The following MRC2 variants were observed in gnomAD, a reference collection of about 807,000 sequenced individuals.
MRC2 encodes the protein mannose receptor C-type 2.
MRC2 carries 84 observed loss-of-function variants against 206.2 expected under a neutral mutation model. The observed-to-expected ratio is 0.41, with a 90% CI of 0.34 to 0.49. The LOEUF (loss-of-function observed/expected upper bound fraction) is 0.49. Among genes scored for constraint, MRC2 ranks in the 20% least tolerant of loss-of-function variants. MRC2 has a pLI of 0.31. For missense variants in MRC2, 1,676 were observed against 2,001.5 expected (o/e 0.84, Z 3.10); for synonymous variants, 798 against 800.0 (o/e 1.00, Z 0.04).
intron 1 of MRC2, among the ~76,000 whole-genome samples, chr17:62,634,812 T>C (rs2429399): frequency 0.67 from 101,800 of 151,500 alleles, 34,371 homozygotes; most frequent in East Asian, 0.81. Flanking sequence ...TGCTCTGGTT[T>C]GAACACCTCT....
intron 1 of MRC2, among the ~76,000 whole-genome samples, chr17:62,643,076 C>T (rs1324089242): frequency 6.6e-6 from 1 of 152,002 alleles, no homozygotes; most frequent in Non-Finnish European, 1.5e-5. Context: ...GCCTGTAATC[C>T]CAGCACTTTG....
In MRC2 at chr17:62,669,085, A is replaced by AACACAC. The variant is rs72222842; in HGVS notation, c.1117+1588_1117+1593dup. Among the ~76,000 whole-genome samples the AACACAC allele has an allele frequency of 6.3e-3, 895 of 143,144 alleles. 7 individuals are homozygous for AACACAC. Among genetic ancestry groups the AACACAC allele is most frequent in the African/African-American group, 0.013 (488 of 38,410 alleles). 93.9% of individuals were successfully genotyped at this position (143,144 alleles called of 152,430 possible). On this transcript the variant is annotated intron_variant, in intron 6 of 29. Coordinates refer to ENST00000303375, the MANE Select transcript of MRC2 (RefSeq NM_006039.5). ...GAGACTTTTACAAAGAAAATATGGC[A>AACACAC]ACACACACACACACACACACACACA...
intron 1 of MRC2, among the ~76,000 whole-genome samples, chr17:62,663,085 G>A (rs931500723): frequency 2.0e-5 from 3 of 152,174 alleles, no homozygotes; most frequent in Non-Finnish European, 2.9e-5. Flanking sequence ...GGGAACAAGA[G>A]GAAGGTGATG....
intron 28 of MRC2, among the ~76,000 whole-genome samples, 194 bp downstream of exon 28, chr17:62,691,322 A>C (rs1411641064): frequency 6.6e-6 from 1 of 152,180 alleles, no homozygotes; most frequent in Admixed American, 6.5e-5. Flanking sequence ...TTATCATCCA[A>C]ACTAGACCAC....
chr17:62,686,937 G>A (rs2089039285), intron 20 of MRC2, among the ~76,000 whole-genome samples: 1 of 152,230 alleles, frequency 6.6e-6, no homozygotes, highest in Non-Finnish European at 1.5e-5. Flanking sequence ...TAAGGATGGT[G>A]CTGGAGCTAA....
rs912603121 is a variant in MRC2, at chr17:62,649,527, G to C, written c.119-15021G>C. ...AATCCCTTGAACCCAGGAGGTGAAGGCTGCAGTGAGCCAAGATTTCATCAC... is the reference window on the plus strand; with the variant it reads ...AATCCCTTGAACCCAGGAGGTGAAGCCTGCAGTGAGCCAAGATTTCATCAC... On this transcript the variant is annotated intron_variant, in intron 1 of 29. Coordinates refer to ENST00000303375, the MANE Select transcript of MRC2 (RefSeq NM_006039.5). Among the ~76,000 whole-genome samples the C allele has an allele frequency of 3.3e-5, 5 of 152,274 alleles. No homozygotes were observed. The East Asian group carries it at 5.8e-4, about 18-fold the overall frequency.
rs1490303227 is a variant in MRC2 at position 62,675,619 on chromosome 17, G to C, written c.1570-171G>C. Reference sequence around the variant, plus strand: ...CACAGCTGTGGGTGATGGTGGAGGGGGAATGTGGAGAAACGAGGTGCAGAA... The same window carrying C: ...CACAGCTGTGGGTGATGGTGGAGGGCGAATGTGGAGAAACGAGGTGCAGAA... On this transcript the variant is annotated intron_variant, in intron 9 of 29. Transcript: ENST00000303375. The surrounding 1 kb of genome is among the most constrained non-coding windows in gnomAD (Gnocchi z 4.1). Among the ~76,000 whole-genome samples the C allele has an allele frequency of 2.6e-5, 4 of 152,208 alleles. No individual in the cohort carries two copies. Among genetic ancestry groups the C allele is most frequent in the African/African-American group, 9.7e-5 (4 of 41,440 alleles).
chr17:62,668,225 T>A (rs557522811), intron 6 of MRC2, among the ~76,000 whole-genome samples: 34 of 151,644 alleles, frequency 2.2e-4, no homozygotes, highest in Non-Finnish European at 3.8e-4. Context: ...CTGAGTGTGG[T>A]GATGCACGCC....
rs371565743 is a variant in MRC2, at chr17:62,676,410, C to T, written c.1713C>T (p.Leu571=). The part of the protein sequence containing the change: ...NRFEQAFVSS[L]IYNWEGEYFW... ...TCGAGCAGGCCTTCGTCAGCAGCCT[C>T]ATCTACAACTGGGAGGGCGAGTACT... The change falls in exon 11 of 30, where the codon CTC becomes CTT. Residue 571 remains leucine (L), a synonymous_variant. Coordinates refer to ENST00000303375, the MANE Select transcript of MRC2 (RefSeq NM_006039.5). The T allele has an allele frequency of 2.5e-6, 4 of 1,613,990 alleles. No individual in the cohort carries two copies. Among genetic ancestry groups the T allele is most frequent in the South Asian group, 2.2e-5 (2 of 91,088 alleles).
At chr17:62,632,355 C>G (rs1351979705) in intron 1 of MRC2, among the ~76,000 whole-genome samples, 1 of 152,186 alleles carries the variant, frequency 6.6e-6, no homozygotes, top group African/African-American at 2.4e-5. Context: ...CCGCTGGGCA[C>G]CAGCCTCTTG....
intron 1 of MRC2, among the ~76,000 whole-genome samples, chr17:62,656,534 T>A (rs2088621357): frequency 6.6e-6 from 1 of 152,210 alleles, no homozygotes; most frequent in Non-Finnish European, 1.5e-5. Context: ...TCATAAATGA[T>A]TATCATCTGT....
At position 62,692,522 on chromosome 17, in the gene MRC2, C is replaced by G; in HGVS notation, c.*71C>G. The G allele has an allele frequency of 1.4e-6, 2 of 1,421,348 alleles. No homozygotes were observed. The highest frequency in any genetic ancestry group is 9.5e-7 in the Non-Finnish European group (1 of 1,047,226). 88.0% of individuals were successfully genotyped at this position (1,421,348 alleles called of 1,614,324 possible). On this transcript the variant is annotated 3_prime_UTR_variant, in exon 30 of 30. Coordinates refer to ENST00000303375, the MANE Select transcript of MRC2 (RefSeq NM_006039.5). This position sits in a 1 kb window ranked among gnomAD's most constrained non-coding sequence, Gnocchi z 4.2. ...GGGGCCCTGGGTCAGTCTGGCCCCC[C>G]ACCAGCTGCCTGTCCAGTTGGCCTA...
In MRC2 at chr17:62,664,074, C is replaced by G. The variant is rs1012273220; in HGVS notation, c.119-474C>G. Among the ~76,000 whole-genome samples the G allele has an allele frequency of 6.6e-6, 1 of 150,738 alleles. No individual in the cohort carries two copies. The highest frequency in any genetic ancestry group is 3.4e-3 in the Middle Eastern group (1 of 290). On this transcript the variant is annotated intron_variant, in intron 1 of 29. Transcript: ENST00000303375. This position sits in a 1 kb window ranked among gnomAD's most constrained non-coding sequence, Gnocchi z 4.7. ...TCCCGGGTTCACGCCATTCTCCTGC[C>G]TCAGCCTCCCAAGTAGCTGGGACTA...
chr17:62,631,691 C>T (rs527426547), intron 1 of MRC2, among the ~76,000 whole-genome samples: 1 of 152,114 alleles, frequency 6.6e-6, no homozygotes, highest in African/African-American at 2.4e-5. Context: ...CAGCCACTTC[C>T]TTGTGGGTCC....
chr17:62,668,233 G>A (rs1228810087), intron 6 of MRC2, among the ~76,000 whole-genome samples: 2 of 151,780 alleles, frequency 1.3e-5, no homozygotes, highest in Non-Finnish European at 2.9e-5. Flanking sequence ...GGTGATGCAC[G>A]CCTGTCTACT....
chr17:62,632,073 G>A (rs2084220405), intron 1 of MRC2, among the ~76,000 whole-genome samples: 1 of 152,112 alleles, frequency 6.6e-6, no homozygotes, highest in Admixed American at 6.5e-5. Flanking sequence ...TCTGGGTGGG[G>A]TGGGCCAGTG....
At chr17:62,642,078 T>A (rs2088412085) in intron 1 of MRC2, among the ~76,000 whole-genome samples, 1 of 152,240 alleles carries the variant, frequency 6.6e-6, no homozygotes, top group Non-Finnish European at 1.5e-5. Context: ...TTTTTTCTCA[T>A]ATGCAGTCCG....
rs939554549 is a variant in MRC2, at chr17:62,692,806, C to A, written c.*355C>A. On this transcript the variant is annotated 3_prime_UTR_variant, in exon 30 of 30. Transcript: ENST00000303375. This position sits in a 1 kb window ranked among gnomAD's most constrained non-coding sequence, Gnocchi z 4.2. ...CCTGTTGATCCGCGCCCCAGGACCC[C>A]CTTCTTTGCAGAGCCCGAGGAGCCT... The A allele has an allele frequency of 3.8e-6, 1 of 261,176 alleles. No individual in the cohort carries two copies. The highest frequency in any genetic ancestry group is 8.7e-5 in the East Asian group (1 of 11,474). The allele number at this position is 261,176 out of a possible 1,614,324, so 16.2% of individuals were successfully genotyped here.
chr17:62,657,270 A>C (rs934736826), intron 1 of MRC2, among the ~76,000 whole-genome samples: 1 of 152,218 alleles, frequency 6.6e-6, no homozygotes, highest in African/African-American at 2.4e-5. Flanking sequence ...GGCTGGGATC[A>C]TGTCTATATT....
Sources: allele counts gnomAD v4.1 joint callset (sites outside exome capture counted in the v4.1 genomes callset), GRCh38; gene constraint gnomAD v4.1.1; non-coding constraint Gnocchi (gnomAD v3.1); transcripts MANE v1.5; gene names NCBI Gene and HGNC (gene_info 2026-07-23, HGNC 2026-07-21).